PTPRT: variants seen among roughly 807,000 people sequenced by gnomAD.
The protein encoded by PTPRT is protein tyrosine phosphatase receptor type T, also known as receptor-type tyrosine-protein phosphatase T.
In PTPRT, 56 loss-of-function variants were observed where a neutral mutation model predicts 176.8. The ratio of observed to expected loss-of-function variants is 0.32; its 90% CI spans 0.26 to 0.40. The LOEUF (loss-of-function observed/expected upper bound fraction) is 0.40. Ranked by LOEUF, PTPRT falls within the 10% of genes least tolerant of loss-of-function variation. PTPRT has a pLI of 1.00. For synonymous variants in PTPRT, 783 were observed against 739.0 expected, an observed-to-expected ratio of 1.06 and a Z score of -0.96; for missense variants, 1,540 against 1,908.2, an observed-to-expected ratio of 0.81 and a Z score of 3.60.
In PTPRT at chr20:42,579,519, C is replaced by A. The variant is rs181643797; in HGVS notation, c.1153+98347G>T. 7.0e-4 allele frequency among the ~76,000 whole-genome samples: 107 copies of A among 152,250 alleles called. 1 individual carries two copies. Among genetic ancestry groups the A allele is most frequent in the Non-Finnish European group, 1.2e-3 (84 of 68,022 alleles). On this transcript the variant is annotated intron_variant, in intron 7 of 30. Transcript: ENST00000373187. ...ACAATGGTTGAACTAGTTTACAGTC[C>A]CACCAACAGTGAAAAAGTGTTCCTA... is the stretch of plus-strand genomic sequence containing the variant.
chr20:42,226,518 T>C (rs921591086), intron 15 of PTPRT, among the ~76,000 whole-genome samples: 1 of 152,130 alleles, frequency 6.6e-6, no homozygotes, highest in Non-Finnish European at 1.5e-5. Flanking sequence ...ATCATTAGCA[T>C]CATCATCAAC....
At chr20:42,375,461 C>T (rs1325806221) in intron 9 of PTPRT, among the ~76,000 whole-genome samples, 1 of 152,142 alleles carries the variant, frequency 6.6e-6, no homozygotes, top group Non-Finnish European at 1.5e-5. Context: ...CTAGCTTAGG[C>T]CCTTTTTTGC....
At chr20:42,791,666 T>C (rs1396428929) in intron 2 of PTPRT, among the ~76,000 whole-genome samples, 200 bp from the exon 3 acceptor site, 3 of 152,244 alleles carry the variant, frequency 2.0e-5, no homozygotes, top group African/African-American at 7.2e-5. Flanking sequence ...ATAAAAAATC[T>C]ATTCAATAAG....
At chr20:42,130,131 G>T (rs1988058294) in intron 18 of PTPRT, among the ~76,000 whole-genome samples, 1 of 152,160 alleles carries the variant, frequency 6.6e-6, no homozygotes, top group Non-Finnish European at 1.5e-5. Context: ...TTCCAAAGGG[G>T]GTGTAAGCAC....
chr20:43,123,405 T>C (rs973818825), intron 1 of PTPRT, among the ~76,000 whole-genome samples: 2 of 152,200 alleles, frequency 1.3e-5, no homozygotes, highest in Admixed American at 6.5e-5. Context: ...TCCTTTCTTA[T>C]TGAGTGACAA....
intron 1 of PTPRT, among the ~76,000 whole-genome samples, chr20:43,070,874 G>T (rs1049708870): frequency 1.3e-5 from 2 of 150,906 alleles, no homozygotes; most frequent in Non-Finnish European, 2.9e-5. Context: ...TGTAAATGAC[G>T]AGTTAATGGG....
chr20:42,624,922 AGCCCTAAGG>A, intron 7 of PTPRT, among the ~76,000 whole-genome samples: 1 of 152,198 alleles, frequency 6.6e-6, no homozygotes, highest in East Asian at 1.9e-4. Flanking sequence ...CACATCTGTC[AGCCCTAAGG>A]GACTCCAGAG....
chr20:42,251,684 C>A (rs959327469), intron 13 of PTPRT, among the ~76,000 whole-genome samples: 6 of 150,252 alleles, frequency 4.0e-5, no homozygotes, highest in Non-Finnish European at 8.9e-5. Flanking sequence ...GGAGAAATAG[C>A]CTTGCCTAAT....
At chr20:43,161,631 C>A (rs999961018) in intron 1 of PTPRT, among the ~76,000 whole-genome samples, 2 of 152,304 alleles carry the variant, frequency 1.3e-5, no homozygotes, top group Middle Eastern at 3.4e-3. Flanking sequence ...GAGCTTCAAA[C>A]TTCCTCTCCA....
intron 6 of PTPRT, among the ~76,000 whole-genome samples, chr20:42,725,308 A>T (rs6030440): frequency 0.23 from 35,235 of 151,798 alleles, 5,612 homozygotes; most frequent in African/African-American, 0.44. Flanking sequence ...ACCTTCCTCA[A>T]TAAACTCTAA....
intron 8 of PTPRT, among the ~76,000 whole-genome samples, chr20:42,467,478 A>G (rs1396100882): frequency 1.3e-5 from 2 of 152,222 alleles, no homozygotes; most frequent in Non-Finnish European, 2.9e-5. Context: ...GTTCTGTCAC[A>G]TAGAATCAGG....
intron 1 of PTPRT, among the ~76,000 whole-genome samples, chr20:43,023,084 GA>G (rs1985766545): frequency 6.6e-6 from 1 of 152,198 alleles, no homozygotes; most frequent in Non-Finnish European, 1.5e-5. Flanking sequence ...TTGATGTTAA[GA>G]GCTTCTTTAT....
intron 2 of PTPRT, among the ~76,000 whole-genome samples, chr20:42,876,182 T>C (rs893102007): frequency 1.3e-5 from 2 of 152,148 alleles, no homozygotes; most frequent in African/African-American, 2.4e-5. Context: ...AGAATAAATA[T>C]ATAATATTTT....
At chr20:42,628,303 CT>C (rs938456873) in intron 7 of PTPRT, among the ~76,000 whole-genome samples, 6 of 151,334 alleles carry the variant, frequency 4.0e-5, no homozygotes, top group South Asian at 4.2e-4. Context: ...TTTCAACCAC[CT>C]TTTTTTTTGT....
intron 5 of PTPRT, among the ~76,000 whole-genome samples, chr20:42,759,785 A>G (rs938742005): frequency 6.6e-6 from 1 of 152,204 alleles, no homozygotes; most frequent in Non-Finnish European, 1.5e-5. Context: ...TTTCAAGTCA[A>G]TATGTGTGTT....
intron 2 of PTPRT, among the ~76,000 whole-genome samples, chr20:42,834,688 T>C (rs1352273009): frequency 6.6e-6 from 1 of 152,186 alleles, no homozygotes; most frequent in East Asian, 1.9e-4. Context: ...TAATTCACCG[T>C]ACCCCACCAC....
chr20:42,725,909 C>G (rs1165486019), intron 6 of PTPRT, among the ~76,000 whole-genome samples: 1 of 152,034 alleles, frequency 6.6e-6, no homozygotes, highest in East Asian at 1.9e-4. Flanking sequence ...CTCCCTCCCT[C>G]TTTTATGCCC....
chr20:42,206,588 G>A (rs966123113), intron 15 of PTPRT, among the ~76,000 whole-genome samples: 16 of 152,190 alleles, frequency 1.1e-4, no homozygotes, highest in African/African-American at 3.4e-4. Context: ...CTTAAAAAAC[G>A]GCGAACCACG....
intron 6 of PTPRT, among the ~76,000 whole-genome samples, chr20:42,709,533 C>T (rs1032172862): frequency 2.6e-5 from 4 of 152,144 alleles, no homozygotes; most frequent in African/African-American, 7.2e-5. Context: ...TACCAGTATG[C>T]TTTGTGTACA....
Sources: gnomAD v4.1 joint callset for allele counts (sites outside exome capture counted in the v4.1 genomes callset) on GRCh38, gnomAD v4.1.1 for gene constraint, MANE v1.5 for transcripts, NCBI Gene and HGNC (gene_info 2026-07-23, HGNC 2026-07-21) for gene names.